DDX10: variants seen among roughly 807,000 people sequenced by gnomAD.
The protein encoded by DDX10 is probable ATP-dependent RNA helicase DDX10.
In DDX10, 74 loss-of-function variants were observed where a neutral mutation model predicts 104.3. The ratio of observed to expected loss-of-function variants is 0.71; its 90% confidence interval spans 0.59 to 0.86. The LOEUF (loss-of-function observed/expected upper bound fraction) is 0.86, where lower values mean the gene tolerates loss of function less well. DDX10 is among the 40% of genes least tolerant of loss of function. The pLI is 0.00. For synonymous variants in DDX10, 351 were observed against 353.4 expected, an observed-to-expected ratio of 0.99 and a Z score of 0.08; for missense variants, 952 against 1,040.0, an observed-to-expected ratio of 0.92 and a Z score of 1.16.
intron 13 of DDX10, among the ~76,000 whole-genome samples, chr11:108,726,282 A>G (rs2094305351): frequency 6.6e-6 from 1 of 152,060 alleles, no homozygotes; most frequent in Admixed American, 6.6e-5. Flanking sequence ...CTTGCCGATG[A>G]CTTCATTGAG....
At chr11:108,914,509 A>G (rs1174197097) in intron 16 of DDX10, among the ~76,000 whole-genome samples, 2 of 152,202 alleles carry the variant, frequency 1.3e-5, no homozygotes, top group Admixed American at 6.5e-5. Context: ...GCTCCTTACT[A>G]TGGATTAGAG....
intron 6 of DDX10, among the ~76,000 whole-genome samples, chr11:108,687,387 C>T (rs766835131): frequency 1.3e-5 from 2 of 152,118 alleles, no homozygotes; most frequent in African/African-American, 2.4e-5. Context: ...TGGCTCACTG[C>T]AGCCTCGAAC....
At chr11:108,681,459 A>G (rs1314755151) in intron 6 of DDX10, among the ~76,000 whole-genome samples, 1 of 152,188 alleles carries the variant, frequency 6.6e-6, no homozygotes, top group African/African-American at 2.4e-5. Context: ...AAAAAAGCAG[A>G]TGCTCTTAGG....
intron 16 of DDX10, among the ~76,000 whole-genome samples, chr11:108,883,603 A>G (rs1381725800): frequency 6.6e-6 from 1 of 152,144 alleles, no homozygotes; most frequent in Admixed American, 6.5e-5. Context: ...GTTTTGTCAC[A>G]TTGATTTCCC....
At chr11:108,668,726 A>C (rs2094213225) in intron 1 of DDX10, among the ~76,000 whole-genome samples, 1 of 152,212 alleles carries the variant, frequency 6.6e-6, no homozygotes, top group Admixed American at 6.5e-5. Flanking sequence ...TATATGGAAA[A>C]AAAATACGTG....
At chr11:108,854,751 A>C (rs766834289) in intron 16 of DDX10, among the ~76,000 whole-genome samples, 3 of 152,132 alleles carry the variant, frequency 2.0e-5, no homozygotes, top group Non-Finnish European at 4.4e-5. Context: ...TTTTGGGGAA[A>C]GTGCTTGAAT....
chr11:108,779,603 GCACATGTATA>G (rs958163304), intron 13 of DDX10, among the ~76,000 whole-genome samples: 5 of 152,014 alleles, frequency 3.3e-5, no homozygotes, highest in Non-Finnish European at 7.4e-5. Flanking sequence ...CACCAACGTG[GCACATGTATA>G]CATATGTAAC....
intron 1 of DDX10, among the ~76,000 whole-genome samples, chr11:108,669,975 A>G (rs1476030596): frequency 2.0e-5 from 3 of 152,300 alleles, no homozygotes; most frequent in South Asian, 4.1e-4. Context: ...GCCAAGCGAA[A>G]CCTATTGTGG....
intron 6 of DDX10, among the ~76,000 whole-genome samples, chr11:108,679,974 A>G (rs1328986386): frequency 3.3e-5 from 5 of 152,228 alleles, no homozygotes; most frequent in Non-Finnish European, 5.9e-5. Flanking sequence ...AGGTGGATGT[A>G]GCTTGCTACA....
At chr11:108,870,358 A>G (rs1381830594) in intron 16 of DDX10, among the ~76,000 whole-genome samples, 1 of 152,172 alleles carries the variant, frequency 6.6e-6, no homozygotes, top group Non-Finnish European at 1.5e-5. Context: ...AGTAAGTCGC[A>G]TATTATAATT....
chr11:108,693,244 T>C (rs1450456693), intron 8 of DDX10, among the ~76,000 whole-genome samples: 1 of 152,240 alleles, frequency 6.6e-6, no homozygotes, highest in African/African-American at 2.4e-5. Context: ...GGTATTTCAC[T>C]GTTTGTCCGA....
chr11:108,760,468 A>G (rs1182477977), intron 13 of DDX10, among the ~76,000 whole-genome samples: 1 of 152,062 alleles, frequency 6.6e-6, no homozygotes, highest in Non-Finnish European at 1.5e-5. Flanking sequence ...AAACTCATGC[A>G]TGTTTTCATA....
chr11:108,799,646 A>G (rs1240996063), intron 13 of DDX10, among the ~76,000 whole-genome samples: 1 of 152,194 alleles, frequency 6.6e-6, no homozygotes, highest in Non-Finnish European at 1.5e-5. Flanking sequence ...CCCATTGAGA[A>G]AGGTCTAGTC....
chr11:108,667,549 C>T (rs1246133165), intron 1 of DDX10, among the ~76,000 whole-genome samples: 1 of 152,214 alleles, frequency 6.6e-6, no homozygotes, highest in African/African-American at 2.4e-5. Context: ...CTCTAAGTCT[C>T]AGTTTCTTCT....
At chr11:108,692,155 A>G (rs531114848) in intron 8 of DDX10, 117 bp downstream of exon 8, 131 of 940,678 alleles carry the variant, frequency 1.4e-4, no homozygotes, top group Non-Finnish European at 1.9e-4. Context: ...CTTATTTTGT[A>G]AGAGAAAAGT....
intron 9 of DDX10, among the ~76,000 whole-genome samples, chr11:108,705,345 C>T (rs917072885): frequency 6.6e-6 from 1 of 152,182 alleles, no homozygotes; most frequent in African/African-American, 2.4e-5. Flanking sequence ...AGGGGGACAG[C>T]TTTAAACTTG....
chr11:108,939,349 C>T (rs986620050), intron 17 of DDX10, among the ~76,000 whole-genome samples: 1 of 152,192 alleles, frequency 6.6e-6, no homozygotes, highest in African/African-American at 2.4e-5. Context: ...TTTAACCTCT[C>T]TTAACCTCAT....
chr11:108,810,702 T>C (rs1862167558), intron 13 of DDX10, among the ~76,000 whole-genome samples: 1 of 152,156 alleles, frequency 6.6e-6, no homozygotes, highest in African/African-American at 2.4e-5. Context: ...CAGTGATAAG[T>C]GCATGTGTGC....
At chr11:108,889,874 C>T (rs1389659343) in intron 16 of DDX10, among the ~76,000 whole-genome samples, 6 of 152,132 alleles carry the variant, frequency 3.9e-5, no homozygotes, top group Admixed American at 3.9e-4. Context: ...CACTTTGAAG[C>T]ATTATAAAGA....
Sources: allele counts gnomAD v4.1 joint callset (sites outside exome capture counted in the v4.1 genomes callset), GRCh38; gene constraint gnomAD v4.1.1; transcripts MANE v1.5; gene names NCBI Gene and HGNC (gene_info 2026-07-23, HGNC 2026-07-21).